The following NUDT4 variants were observed in gnomAD, a reference collection of about 807,000 sequenced individuals.
The protein encoded by NUDT4 is diphosphoinositol polyphosphate phosphohydrolase 2.
A neutral mutation model predicts 23.1 loss-of-function variants in NUDT4; 5 were observed. The ratio of observed to expected loss-of-function variants is 0.22; its 90% CI spans 0.11 to 0.46. The LOEUF is 0.46. Ranked by LOEUF, NUDT4 falls within the 20% of genes least tolerant of loss-of-function variation. The pLI is 0.99. For synonymous variants in NUDT4, 50 were observed against 79.0 expected (o/e 0.63, Z 1.95); for missense variants, 96 against 211.6 (o/e 0.45, Z 3.39).
chr12:93,383,197 T>G (rs372105475), intron 1 of NUDT4, among the ~76,000 whole-genome samples: 8 of 152,290 alleles, frequency 5.3e-5, no homozygotes, highest in African/African-American at 1.9e-4. Context: ...CAACCTGATT[T>G]ACAACATTAT....
In NUDT4 at chr12:93,406,328, A is replaced by C. The variant is rs1325928398; in HGVS notation, c.*6949A>C. 1.3e-5 allele frequency: 2 copies of C among 150,988 alleles called. No individual in the cohort carries two copies. The highest frequency in any genetic ancestry group is 6.7e-5 in the Admixed American group (1 of 15,024). The allele number at this position is 150,988 out of a possible 1,614,324, so 9.4% of individuals were successfully genotyped here. ...AAAGGTTCCTGAACCATTCAACAGA[A>C]AAATGAGGCCTATTCCTATCATTTC... On this transcript the variant is annotated 3_prime_UTR_variant, in exon 5 of 5. Coordinates refer to ENST00000415493, the MANE Select transcript of NUDT4 (RefSeq NM_019094.6).
chr12:93,390,425 A>G (rs1166148409), intron 1 of NUDT4, among the ~76,000 whole-genome samples: 1 of 152,218 alleles, frequency 6.6e-6, no homozygotes, highest in Non-Finnish European at 1.5e-5. Context: ...TTTGGTTGCC[A>G]TAGATCCTCT....
rs1877343368 is a variant in NUDT4, at chr12:93,400,791, TAG to T, written c.*1416_*1417del. The T allele has an allele frequency of 6.6e-6, 1 of 152,290 alleles. No individual in the cohort carries two copies. Among genetic ancestry groups the T allele is most frequent in the South Asian group, 2.1e-4 (1 of 4,836 alleles). The allele number at this position is 152,290 out of a possible 1,614,324, so 9.4% of individuals were successfully genotyped here. A position where few individuals can be genotyped will look rare whatever the true frequency, so the allele number is the denominator to read the frequency against. ...TGCCTGGCTAATTTTGTATTTTTAG[TAG>T]AGACAGGGTTTCTTCATGTTGGTCA... On this transcript the variant is annotated 3_prime_UTR_variant, in exon 5 of 5. Coordinates refer to ENST00000415493, the MANE Select transcript of NUDT4 (RefSeq NM_019094.6).
intron 1 of NUDT4, chr12:93,381,019 A>G (rs1711571833): frequency 6.6e-6 from 1 of 152,240 alleles, no homozygotes; most frequent in Admixed American, 6.5e-5. Context: ...CTGTTCCTGT[A>G]CTGAAGTTCT....
chr12:93,395,448 AT>A, intron 2 of NUDT4, 40 bp from the exon 3 acceptor site: 1 of 1,428,888 alleles, frequency 7.0e-7, no homozygotes. Context: ...ACATTTTGTT[AT>A]AAAAAGGTAA....
intron 1 of NUDT4, among the ~76,000 whole-genome samples, chr12:93,386,499 G>GAACCC (rs560226167): frequency 3.2e-3 from 484 of 151,910 alleles, no homozygotes; most frequent in African/African-American, 9.2e-3. Flanking sequence ...AGAATTGCTT[G>GAACCC]AACCCAGGAG....
chr12:93,395,454 A>G (rs1179144084), intron 2 of NUDT4, 35 bp from the exon 3 acceptor site: 1 of 1,470,996 alleles, frequency 6.8e-7, no homozygotes, highest in South Asian at 1.1e-5. Flanking sequence ...TGTTATAAAA[A>G]GGTAAACATT....
intron 1 of NUDT4, among the ~76,000 whole-genome samples, chr12:93,385,975 A>ATATATACAC (rs1876059266): frequency 7.8e-6 from 1 of 128,860 alleles, no homozygotes; most frequent in Admixed American, 7.7e-5. Flanking sequence ...ATATATACAT[A>ATATATACAC]ATTTTTTTTT....
chr12:93,396,136 T>C lies in NUDT4; in HGVS notation c.255+603T>C, dbSNP rs971460887. 3.9e-5 allele frequency among the ~76,000 whole-genome samples: 6 copies of C among 152,326 alleles called. No individual in the cohort carries two copies. In the South Asian group the frequency reaches 6.2e-4, roughly 16 times the overall value. ...GTAGACTGTTTAGGGTATAGATCTT[T>C]TAGGAGGTACAATATTTTTAGTATG... On this transcript the variant is annotated intron_variant, in intron 3 of 4. Transcript: ENST00000415493.
chr12:93,386,422 CA>C (rs1190228762), intron 1 of NUDT4, among the ~76,000 whole-genome samples: 1 of 151,424 alleles, frequency 6.6e-6, no homozygotes, highest in African/African-American at 2.4e-5. Flanking sequence ...ACTAAAAATA[CA>C]AAAAAAATGA....
chr12:93,394,911 C>T (rs183225348), intron 2 of NUDT4, among the ~76,000 whole-genome samples, 192 bp downstream of exon 2: 205 of 151,992 alleles, frequency 1.3e-3, no homozygotes, highest in African/African-American at 4.6e-3. Flanking sequence ...TACAGTGGAG[C>T]GATCTTGGCT....
rs1245552133 is a variant in NUDT4 at position 93,403,353 on chromosome 12, CTG to C, written c.*3976_*3977del. ...TGTTTTTTTGAGACAGCATCTCACACTGTCGCCCAGGCTGGAGTGCAGTGGTG... is the reference window on the plus strand; with the variant it reads ...TGTTTTTTTGAGACAGCATCTCACACTCGCCCAGGCTGGAGTGCAGTGGTG... On this transcript the variant is annotated 3_prime_UTR_variant, in exon 5 of 5. Coordinates refer to ENST00000415493, the MANE Select transcript of NUDT4 (RefSeq NM_019094.6). The C allele has an allele frequency of 3.9e-5, 6 of 152,146 alleles. No homozygotes were observed. The highest frequency in any genetic ancestry group is 1.2e-4 in the African/African-American group (5 of 41,398). The allele number at this position is 152,146 out of a possible 1,614,324, so 9.4% of individuals were successfully genotyped here.
rs568050442 is a variant in NUDT4 at position 93,394,875 on chromosome 12, G to A, written c.210+156G>A. On this transcript the variant is annotated intron_variant, in intron 2 of 4. Transcript: ENST00000415493. ...TTTTTTTTTTATTTTTTGAGATGGA[G>A]TCTCGCTCTGTTGCCAGGCCTGGAG... Among the ~76,000 whole-genome samples, 29 of 151,958 alleles carry A rather than the reference G, an allele frequency of 1.9e-4. No homozygotes were observed. The East Asian group carries it at 4.8e-3, about 25-fold the overall frequency.
Position 93,406,671 on chromosome 12 carries a change from T to TA in NUDT4, c.*7294dup, listed in dbSNP as rs1439222149. On this transcript the variant is annotated 3_prime_UTR_variant, in exon 5 of 5. Transcript: ENST00000415493. ...TGTCATTATTCCTTAAACAATAGTG[T>TA]AACTATTTACATAGCACTTACATTA... 2.0e-5 allele frequency: 3 copies of TA among 152,262 alleles called. No homozygotes were observed. The highest frequency in any genetic ancestry group is 7.2e-5 in the African/African-American group (3 of 41,466). The allele number at this position is 152,262 out of a possible 1,614,324, so 9.4% of individuals were successfully genotyped here. A position where few individuals can be genotyped will look rare whatever the true frequency, so the allele number is the denominator to read the frequency against.
In NUDT4 at chr12:93,401,347, T is replaced by A. The variant is rs1376262772; in HGVS notation, c.*1968T>A. On this transcript the variant is annotated 3_prime_UTR_variant, in exon 5 of 5. Transcript: ENST00000415493. ...GGACTAAGATTTTTTTGGTCAGTAATCTCTGAAATTTCCTTAAATTATATA... is the reference window on the plus strand; with the variant it reads ...GGACTAAGATTTTTTTGGTCAGTAAACTCTGAAATTTCCTTAAATTATATA... 4 of 149,130 alleles carry A rather than the reference T, an allele frequency of 2.7e-5. No homozygotes were observed. The highest frequency in any genetic ancestry group is 7.4e-5 in the African/African-American group (3 of 40,772). The allele number at this position is 149,130 out of a possible 1,614,324, so 9.2% of individuals were successfully genotyped here.
intron 2 of NUDT4, among the ~76,000 whole-genome samples, chr12:93,395,160 A>G (rs1019833293): frequency 1.3e-5 from 2 of 151,666 alleles, no homozygotes; most frequent in African/African-American, 2.4e-5. Context: ...TAATTTTTGT[A>G]TTTTTAGTAG....
rs978306548 is a variant in NUDT4 at position 93,405,688 on chromosome 12, G to C, written c.*6309G>C. The C allele has an allele frequency of 1.3e-5, 2 of 152,142 alleles. No individual in the cohort carries two copies. The highest frequency in any genetic ancestry group is 2.9e-5 in the Non-Finnish European group (2 of 68,026). 9.4% of individuals were successfully genotyped at this position (152,142 alleles called of 1,614,324 possible). A position where few individuals can be genotyped will look rare whatever the true frequency, so the allele number is the denominator to read the frequency against. Reference sequence around the variant, plus strand: ...AAACAAACAATATATTACTAGTCCAGGTGGTAGATGACAGATTTTTATTAT... The same window carrying C: ...AAACAAACAATATATTACTAGTCCACGTGGTAGATGACAGATTTTTATTAT... On this transcript the variant is annotated 3_prime_UTR_variant, in exon 5 of 5. Transcript: ENST00000415493.
chr12:93,381,655 G>T (rs976022116), intron 1 of NUDT4, among the ~76,000 whole-genome samples: 2 of 152,162 alleles, frequency 1.3e-5, no homozygotes, highest in Non-Finnish European at 2.9e-5. Flanking sequence ...GGGACCAGGC[G>T]TCCCAAATAG....
At chr12:93,398,889 C>G in intron 4 of NUDT4, 34 bp downstream of exon 4, 1 of 1,301,314 alleles carries the variant, frequency 7.7e-7, no homozygotes, top group Non-Finnish European at 1.1e-6. Flanking sequence ...ATACTCTGTT[C>G]TAACAGAAGA....
Sources: gnomAD v4.1 joint callset for allele counts (sites outside exome capture counted in the v4.1 genomes callset) on GRCh38, gnomAD v4.1.1 for gene constraint, MANE v1.5 for transcripts, NCBI Gene and HGNC (gene_info 2026-07-23, HGNC 2026-07-21) for gene names.